Variants in MALRD1 observed in about 807,000 individuals in gnomAD.
The protein encoded by MALRD1 is MAM and LDL-receptor class A domain-containing protein 1.
A neutral mutation model predicts 242.1 loss-of-function variants in MALRD1; 247 were observed. The observed-to-expected ratio is 1.02, with a 90% CI of 0.92 to 1.13. MALRD1 has a LOEUF of 1.13. Ranked by LOEUF, MALRD1 falls within the 50% of genes most tolerant of loss-of-function variation. The pLI, the probability that MALRD1 is intolerant of heterozygous loss-of-function variation, is 0.00. For missense variants in MALRD1, 2,989 were observed against 2,533.1 expected (o/e 1.18, Z -3.86); for synonymous variants, 995 against 866.6 (o/e 1.15, Z -2.60).
chr10:19,484,481 AAGG>A (rs896731068), intron 29 of MALRD1, among the ~76,000 whole-genome samples: 12 of 152,214 alleles, frequency 7.9e-5, no homozygotes, highest in Admixed American at 1.3e-4. Flanking sequence ...CATCTTAAAT[AAGG>A]AGTATTATTT....
intron 24 of MALRD1, among the ~76,000 whole-genome samples, chr10:19,337,690 G>A (rs1271271822): frequency 6.6e-6 from 1 of 151,962 alleles, no homozygotes; most frequent in East Asian, 1.9e-4. Context: ...TCATCATTTT[G>A]TAGGTTGTCT....
intron 5 of MALRD1, among the ~76,000 whole-genome samples, chr10:19,113,867 C>T (rs1053150608): frequency 2.7e-5 from 4 of 150,892 alleles, no homozygotes; most frequent in African/African-American, 7.4e-5. Context: ...ATTGATTTAT[C>T]TCCATGACTA....
intron 4 of MALRD1, among the ~76,000 whole-genome samples, chr10:19,090,439 G>C (rs1460943343): frequency 1.7e-5 from 1 of 60,306 alleles, no homozygotes; most frequent in Admixed American, 2.2e-4. Flanking sequence ...CATTGATTTT[G>C]TATCCTGAGA....
chr10:19,073,575 A>G (rs1285400794), intron 2 of MALRD1, among the ~76,000 whole-genome samples: 3 of 152,164 alleles, frequency 2.0e-5, no homozygotes, highest in Non-Finnish European at 4.4e-5. Context: ...ATTATTTTAA[A>G]ACCTTGTACA....
intron 26 of MALRD1, among the ~76,000 whole-genome samples, chr10:19,373,966 AT>A (rs1200238744): frequency 6.6e-6 from 1 of 152,210 alleles, no homozygotes; most frequent in South Asian, 2.1e-4. Context: ...ATAGAACTAA[AT>A]GAAATACAGT....
intron 2 of MALRD1, among the ~76,000 whole-genome samples, chr10:19,072,676 C>T (rs1308277723): frequency 6.6e-6 from 1 of 151,938 alleles, no homozygotes; most frequent in African/African-American, 2.4e-5. Flanking sequence ...AATTTTAGTG[C>T]CCAGTGTTCA....
chr10:19,252,833 G>T (rs1037445999), intron 18 of MALRD1, among the ~76,000 whole-genome samples: 1 of 151,956 alleles, frequency 6.6e-6, no homozygotes, highest in South Asian at 2.1e-4. Context: ...CATAAAATTT[G>T]TCAGGCCAAA....
chr10:19,730,729 G>A lies in MALRD1; in HGVS notation c.6338G>A (p.Cys2113Tyr). The A allele has an allele frequency of 5.9e-6, 9 of 1,536,672 alleles. No individual in the cohort carries two copies. Among genetic ancestry groups the A allele is most frequent in the Non-Finnish European group, 7.8e-6 (9 of 1,147,030 alleles). ...AGGAAAACCGAGGGAAGTGGTAACTGTGCCTTTGTCAATCCAGTTTACGGG... is the reference window on the plus strand; with the variant it reads ...AGGAAAACCGAGGGAAGTGGTAACTATGCCTTTGTCAATCCAGTTTACGGG... ...PIRKTEGSGN[C>Y]AFVNPVYGNW... Residue 2113 changes from cysteine (C) to tyrosine (Y), a missense_variant, in exon 39 of 40, where the codon TGT (cysteine) becomes TAT (tyrosine). Coordinates refer to ENST00000454679, the MANE Select transcript of MALRD1 (RefSeq NM_001142308.3).
chr10:19,088,359 C>A (rs2131298284), intron 4 of MALRD1, among the ~76,000 whole-genome samples, 174 bp downstream of exon 4: 1 of 151,988 alleles, frequency 6.6e-6, no homozygotes, highest in Non-Finnish European at 1.5e-5. Flanking sequence ...TGGCTAGTCA[C>A]CCTAAAAGAC....
intron 29 of MALRD1, among the ~76,000 whole-genome samples, chr10:19,454,853 C>T (rs1164189260): frequency 2.6e-5 from 4 of 151,906 alleles, no homozygotes; most frequent in Non-Finnish European, 5.9e-5. Context: ...ACTTTCTATG[C>T]AAAAACTTAC....
intron 28 of MALRD1, among the ~76,000 whole-genome samples, chr10:19,439,776 A>G (rs1834530439): frequency 6.6e-6 from 1 of 151,944 alleles, no homozygotes; most frequent in South Asian, 2.1e-4. Context: ...TTCACTTTGT[A>G]TTGTGTGTAT....
chr10:19,639,377 G>A (rs970091312), intron 36 of MALRD1, among the ~76,000 whole-genome samples: 16 of 152,246 alleles, frequency 1.1e-4, no homozygotes, highest in Admixed American at 2.6e-4. Flanking sequence ...ACATCTCTTC[G>A]ATCGCCACAA....
intron 36 of MALRD1, among the ~76,000 whole-genome samples, chr10:19,616,201 T>C (rs1839149471): frequency 6.6e-6 from 1 of 152,064 alleles, no homozygotes. Flanking sequence ...GCATTTATTA[T>C]TTCTATCAGG....
intron 13 of MALRD1, among the ~76,000 whole-genome samples, chr10:19,167,378 A>T (rs995483640): frequency 6.6e-6 from 1 of 152,056 alleles, no homozygotes. Context: ...AAAACAAAAA[A>T]GTGTATGATT....
Position 19,636,234 on chromosome 10 carries a change from A to G in MALRD1, c.6137+20311A>G, listed in dbSNP as rs116204867. On this transcript the variant is annotated intron_variant, in intron 36 of 39. Transcript: ENST00000454679. ...TTGTCAAACTAGAATTTCATACCCAAGTAAACTAGTTCTATTAAGACAGGA... is the reference window on the plus strand; with the variant it reads ...TTGTCAAACTAGAATTTCATACCCAGGTAAACTAGTTCTATTAAGACAGGA... Among the ~76,000 whole-genome samples, 1,408 of 152,316 alleles carry G rather than the reference A, an allele frequency of 9.2e-3. 19 individuals are homozygous for G. The highest frequency in any genetic ancestry group is 0.032 in the African/African-American group (1,321 of 41,556).
Position 19,595,364 on chromosome 10 carries a change from G to A in MALRD1, c.5851G>A (p.Glu1951Lys). The A allele has an allele frequency of 3.2e-6, 5 of 1,550,660 alleles. No individual in the cohort carries two copies. The highest frequency in any genetic ancestry group is 4.4e-6 in the Non-Finnish European group (5 of 1,146,972). Residue 1951 changes from glutamate (E) to lysine (K), a missense_variant, in exon 34 of 40, where the codon GAG becomes AAG. Physicochemically the swap from Glu to Lys is moderately conservative, Grantham distance 56 (BLOSUM62 1). Coordinates refer to ENST00000454679, the MANE Select transcript of MALRD1 (RefSeq NM_001142308.3). Reference protein sequence around the residue: ...SPTPPLCSNMEFPCSTDECIP... With the variant: ...SPTPPLCSNMKFPCSTDECIP... ...CACCCCTCCACTCTGTAGTAACATG[G>A]AGTTCCCGTGCTCTACAGACGAGTG...
At chr10:19,341,520 ATATG>A (rs1359441714) in intron 24 of MALRD1, among the ~76,000 whole-genome samples, 1 of 146,738 alleles carries the variant, frequency 6.8e-6, no homozygotes. Flanking sequence ...ATGTGTGTAT[ATATG>A]TATATATATA....
chr10:19,501,375 C>A (rs765444612), intron 31 of MALRD1, among the ~76,000 whole-genome samples: 1 of 152,050 alleles, frequency 6.6e-6, no homozygotes, highest in Non-Finnish European at 1.5e-5. Context: ...TAGAAATTGC[C>A]CCTGTTGAGA....
intron 28 of MALRD1, among the ~76,000 whole-genome samples, chr10:19,445,130 CT>C (rs1834895450): frequency 6.6e-6 from 1 of 152,152 alleles, no homozygotes. Flanking sequence ...TATCACATAG[CT>C]CTCGTGCCAT....
Sources: allele counts gnomAD v4.1 joint callset (sites outside exome capture counted in the v4.1 genomes callset), GRCh38; gene constraint gnomAD v4.1.1; transcripts MANE v1.5; gene names NCBI Gene and HGNC (gene_info 2026-07-23, HGNC 2026-07-21).